ADAMTS9: variants seen among roughly 807,000 people sequenced by gnomAD.
The protein encoded by ADAMTS9 is ADAM metallopeptidase with thrombospondin type 1 motif 9.
In ADAMTS9, 107 loss-of-function variants were observed where a neutral mutation model predicts 257.1. That is an observed-to-expected ratio of 0.42 (90% CI 0.36 to 0.49). The LOEUF (loss-of-function observed/expected upper bound fraction) is 0.49. Among genes scored for constraint, ADAMTS9 ranks in the 20% least tolerant of loss-of-function variants. The pLI, the probability that ADAMTS9 is intolerant of heterozygous loss-of-function variation, is 0.03. For synonymous variants in ADAMTS9, 982 were observed against 880.9 expected (o/e 1.11, Z -2.03); for missense variants, 2,353 against 2,469.1 (o/e 0.95, Z 1.00).
At chr3:64,565,986 G>C (rs2083535943) in intron 29 of ADAMTS9, among the ~76,000 whole-genome samples, 1 of 152,168 alleles carries the variant, frequency 6.6e-6, no homozygotes, top group African/African-American at 2.4e-5. Context: ...GGCTATTGTA[G>C]TTTCTATCCG....
At chr3:64,594,127 T>G in intron 28 of ADAMTS9, 131 bp downstream of exon 28, 1 of 969,516 alleles carries the variant, frequency 1.0e-6, no homozygotes, top group Non-Finnish European at 1.5e-6. Context: ...ATGGAGAAAA[T>G]AATAGACTAT....
At chr3:64,607,103 A>G in intron 22 of ADAMTS9, 24 bp from the exon 23 acceptor site, 1 of 1,611,430 alleles carries the variant, frequency 6.2e-7, no homozygotes, top group Non-Finnish European at 8.5e-7. Context: ...GACAAAAGGT[A>G]TATACAATTC....
intron 39 of ADAMTS9, among the ~76,000 whole-genome samples, chr3:64,518,796 A>G (rs2082814664): frequency 8.6e-6 from 1 of 116,304 alleles, no homozygotes; most frequent in Non-Finnish European, 1.7e-5. Flanking sequence ...TTTTTGAGAC[A>G]GAGGCTTACT....
chr3:64,656,138 TAC>T (rs1701063770), intron 4 of ADAMTS9: 1 of 322,366 alleles, frequency 3.1e-6, no homozygotes, highest in African/African-American at 2.2e-5. Context: ...CAGTTCTCTG[TAC>T]CAGAACACTG....
chr3:64,555,468 C>T (rs1419760879), intron 30 of ADAMTS9, among the ~76,000 whole-genome samples: 1 of 152,158 alleles, frequency 6.6e-6, no homozygotes, highest in East Asian at 1.9e-4. Context: ...TACCCTGTCT[C>T]TCTCCCTGTT....
At chr3:64,607,574 AT>A (rs962013279) in intron 22 of ADAMTS9, among the ~76,000 whole-genome samples, 28 of 152,226 alleles carry the variant, frequency 1.8e-4, no homozygotes, top group African/African-American at 6.3e-4. Flanking sequence ...AGTTAGGAAA[AT>A]AATGTAGCCA....
intron 3 of ADAMTS9, among the ~76,000 whole-genome samples, chr3:64,669,197 C>A (rs1415817242): frequency 6.6e-6 from 1 of 152,194 alleles, no homozygotes; most frequent in Non-Finnish European, 1.5e-5. Flanking sequence ...CTCGATATGA[C>A]AACTTAATCC....
At chr3:64,566,791 A>G (rs1483632365) in intron 29 of ADAMTS9, among the ~76,000 whole-genome samples, 2 of 152,174 alleles carry the variant, frequency 1.3e-5, no homozygotes, top group African/African-American at 4.8e-5. Flanking sequence ...AAAGTCCACA[A>G]GAGACAAGCT....
At chr3:64,623,063 C>G (rs1463350669) in intron 16 of ADAMTS9, among the ~76,000 whole-genome samples, 1 of 152,140 alleles carries the variant, frequency 6.6e-6, no homozygotes, top group Non-Finnish European at 1.5e-5. Flanking sequence ...ATGTTGAAAT[C>G]TGAAAATCCA....
In ADAMTS9 at chr3:64,649,786, A is replaced by AAC. The variant is rs1251016424; in HGVS notation, c.1464-10_1464-9dup. ...CACTCGCCATAACCAGTGCTACGGA[A>AAC]ACACACAGAAACACACAGATGGTGA... On this transcript the variant is annotated splice_polypyrimidine_tract_variant and intron_variant, in intron 9 of 39. Coordinates refer to ENST00000498707, the MANE Select transcript of ADAMTS9 (RefSeq NM_182920.2). 8.1e-6 allele frequency: 13 copies of AAC among 1,607,666 alleles called. No homozygotes were observed. The highest frequency in any genetic ancestry group is 3.4e-5 in the Admixed American group (2 of 59,280).
At chr3:64,681,451 G>C in intron 2 of ADAMTS9, 88 bp from the exon 3 acceptor site, 2 of 1,376,080 alleles carry the variant, frequency 1.5e-6, no homozygotes, top group Non-Finnish European at 2.0e-6. Flanking sequence ...AAGTAGAGAT[G>C]GTGTCATTTT....
intron 3 of ADAMTS9, among the ~76,000 whole-genome samples, chr3:64,662,101 T>C (rs367938933): frequency 3.0e-4 from 46 of 152,024 alleles, no homozygotes; most frequent in African/African-American, 1.1e-3. Context: ...CACCATCCCA[T>C]GTTTTGGTAT....
At chr3:64,580,615 G>T (rs2083974335) in intron 28 of ADAMTS9, among the ~76,000 whole-genome samples, 1 of 152,140 alleles carries the variant, frequency 6.6e-6, no homozygotes, top group South Asian at 2.1e-4. Flanking sequence ...CAAAGCTCTG[G>T]CCTGAGGTTG....
intron 39 of ADAMTS9, among the ~76,000 whole-genome samples, chr3:64,517,826 A>C (rs559707722): frequency 6.6e-6 from 1 of 152,238 alleles, no homozygotes; most frequent in African/African-American, 2.4e-5. Flanking sequence ...TCTCTAGTGG[A>C]TACCTGCTGA....
At chr3:64,625,097 T>C (rs759693976) in intron 16 of ADAMTS9, among the ~76,000 whole-genome samples, 3 of 152,026 alleles carry the variant, frequency 2.0e-5, no homozygotes, top group Non-Finnish European at 4.4e-5. Context: ...TATATTTAGG[T>C]GAATAAAAGA....
chr3:64,553,418 C>T (rs13094999), intron 30 of ADAMTS9, among the ~76,000 whole-genome samples: 112,635 of 152,164 alleles, frequency 0.74, 43,790 homozygotes, highest in Admixed American at 0.86. Flanking sequence ...TTCTGTTGTA[C>T]GGATATACCA....
At chr3:64,651,298 G>T in intron 8 of ADAMTS9, 135 bp from the exon 9 acceptor site, 1 of 638,946 alleles carries the variant, frequency 1.6e-6, no homozygotes. Context: ...ACCCTGGTAA[G>T]CAGAATAAAA....
intron 32 of ADAMTS9, among the ~76,000 whole-genome samples, chr3:64,543,429 T>G (rs533254755): frequency 1.6e-4 from 25 of 152,266 alleles, no homozygotes; most frequent in African/African-American, 4.8e-4. Context: ...ATGATCAAGT[T>G]GGCTTCATCC....
chr3:64,592,950 G>A (rs1319071979), intron 28 of ADAMTS9, among the ~76,000 whole-genome samples: 2 of 152,026 alleles, frequency 1.3e-5, no homozygotes, highest in African/African-American at 2.4e-5. Context: ...AGGGAAGTTG[G>A]GAATGTCAGA....
Sources: allele counts gnomAD v4.1 joint callset (sites outside exome capture counted in the v4.1 genomes callset), GRCh38; gene constraint gnomAD v4.1.1; transcripts MANE v1.5; gene names NCBI Gene and HGNC (gene_info 2026-07-23, HGNC 2026-07-21).